The following PDE1A variants were observed in gnomAD, a reference collection of about 807,000 sequenced individuals.
PDE1A encodes dual specificity calcium/calmodulin-dependent 3',5'-cyclic nucleotide phosphodiesterase 1A.
In PDE1A, 35 loss-of-function variants were observed where a neutral mutation model predicts 61.7. That is an observed-to-expected ratio of 0.57 (90% CI 0.43 to 0.75). The LOEUF (loss-of-function observed/expected upper bound fraction) is 0.75. Ranked by LOEUF, PDE1A falls within the 30% of genes least tolerant of loss-of-function variation. The probability of loss-of-function intolerance (pLI) is 0.00; values close to 1 mark genes in which losing one functional copy is unlikely to be tolerated. For synonymous variants in PDE1A, 232 were observed against 213.2 expected (o/e 1.09, Z -0.77); for missense variants, 597 against 630.6 (o/e 0.95, Z 0.57).
At chr2:182,635,277 C>G in the PDE1A span, among the ~76,000 whole-genome samples, 1 of 151,974 alleles carries the variant, frequency 6.6e-6, no homozygotes, top group Non-Finnish European at 1.5e-5. Context: ...CAAAAAGATA[C>G]AGTGAAGACT....
At chr2:182,242,161 C>T in intron 2 of PDE1A, 2 of 861,206 alleles carry the variant, frequency 2.3e-6, no homozygotes, top group Non-Finnish European at 3.0e-6. Context: ...GCTGATGGTG[C>T]CAATTCCTCC....
At chr2:182,181,817 C>G (rs1038070809) in intron 13 of PDE1A, among the ~76,000 whole-genome samples, 6 of 152,148 alleles carry the variant, frequency 3.9e-5, no homozygotes, top group African/African-American at 1.4e-4. Flanking sequence ...AGCCGCTTTG[C>G]TGTGTTGTGG....
chr2:182,461,078 A>G (rs1686255065), intron 2 of PDE1A, among the ~76,000 whole-genome samples: 1 of 152,206 alleles, frequency 6.6e-6, no homozygotes. Context: ...AGGTGACCTC[A>G]TATGCAGCAT....
intron 7 of PDE1A, among the ~76,000 whole-genome samples, chr2:182,212,319 C>T (rs1163473567): frequency 6.6e-6 from 1 of 151,892 alleles, no homozygotes; most frequent in East Asian, 1.9e-4. Flanking sequence ...GGCTAATTAA[C>T]ATATGTGTTA....
At chr2:182,524,344 A>G (rs1489597767), upstream of PDE1A, among the ~76,000 whole-genome samples, 1 of 152,220 alleles carries the variant, frequency 6.6e-6, no homozygotes, top group Non-Finnish European at 1.5e-5. Flanking sequence ...TATACAGATG[A>G]TTTTCTAAAT....
intron 1 of PDE1A, among the ~76,000 whole-genome samples, chr2:182,411,281 T>C (rs1045949027): frequency 2.0e-5 from 3 of 152,240 alleles, no homozygotes; most frequent in Non-Finnish European, 2.9e-5. Flanking sequence ...ATATATTTTT[T>C]GTCTGCCTCC....
At chr2:182,544,500 C>T in the PDE1A span, among the ~76,000 whole-genome samples, 13 of 152,200 alleles carry the variant, frequency 8.5e-5, no homozygotes, top group East Asian at 2.1e-3. Context: ...ATGGGATTTG[C>T]GACATACCAT....
chr2:182,676,773 T>C, the PDE1A span, among the ~76,000 whole-genome samples: 2 of 152,180 alleles, frequency 1.3e-5, no homozygotes, highest in African/African-American at 2.4e-5. Flanking sequence ...TGCAAATCAA[T>C]AAATGTAATT....
chr2:182,394,259 G>A (rs1434902540), intron 1 of PDE1A, among the ~76,000 whole-genome samples: 2 of 152,142 alleles, frequency 1.3e-5, no homozygotes, highest in South Asian at 2.1e-4. Flanking sequence ...TCACAATCAC[G>A]GCAGGAGTTG....
chr2:182,623,854 G>A, the PDE1A span, among the ~76,000 whole-genome samples: 1 of 152,080 alleles, frequency 6.6e-6, no homozygotes, highest in African/African-American at 2.4e-5. Context: ...GGCCAGGCGC[G>A]GTGGCTCACG....
At chr2:182,658,055 A>C in the PDE1A span, among the ~76,000 whole-genome samples, 1 of 100,182 alleles carries the variant, frequency 1.0e-5, no homozygotes, top group Non-Finnish European at 2.3e-5. Context: ...AGTAAAAAAA[A>C]AAAAAAAAAA....
intron 1 of PDE1A, among the ~76,000 whole-genome samples, chr2:182,343,196 A>T (rs527937998): frequency 1.3e-5 from 2 of 152,348 alleles, no homozygotes; most frequent in South Asian, 4.1e-4. Flanking sequence ...CTGCAAGGAC[A>T]CGGTCAATTC....
At chr2:182,607,044 G>GA in the PDE1A span, among the ~76,000 whole-genome samples, 2 of 151,924 alleles carry the variant, frequency 1.3e-5, no homozygotes, top group South Asian at 2.1e-4. Flanking sequence ...GAAATGTAAC[G>GA]TGGGGGGAAA....
chr2:182,147,913 C>T (rs187054144), intron 13 of PDE1A, among the ~76,000 whole-genome samples: 1 of 152,276 alleles, frequency 6.6e-6, no homozygotes, highest in East Asian at 1.9e-4. Context: ...GCCCAATTAA[C>T]TTTGTTATAA....
chr2:182,157,521 T>A (rs1459143301), intron 13 of PDE1A, among the ~76,000 whole-genome samples: 3 of 152,220 alleles, frequency 2.0e-5, no homozygotes, highest in Admixed American at 6.5e-5. Flanking sequence ...AACTCTTCAA[T>A]GCAGAGGGCA....
chr2:182,221,015 A>G (rs764310107), intron 7 of PDE1A, among the ~76,000 whole-genome samples: 1 of 151,886 alleles, frequency 6.6e-6, no homozygotes, highest in Admixed American at 6.6e-5. Flanking sequence ...TTTTATACAG[A>G]GTTTTAAAAT....
chr2:182,609,255 C>T, the PDE1A span, among the ~76,000 whole-genome samples: 224 of 152,244 alleles, frequency 1.5e-3, 1 homozygote, highest in African/African-American at 4.0e-3. Context: ...CCTGTCAAAA[C>T]GGACCAATCA....
the PDE1A span, among the ~76,000 whole-genome samples, chr2:182,678,151 G>A: frequency 2.0e-5 from 3 of 152,176 alleles, no homozygotes; most frequent in Non-Finnish European, 4.4e-5. Context: ...ATGGCTGGGC[G>A]CAGTGGCTCA....
chr2:182,269,817 T>G (rs1692891826), intron 1 of PDE1A, among the ~76,000 whole-genome samples: 1 of 152,134 alleles, frequency 6.6e-6, no homozygotes, highest in South Asian at 2.1e-4. Context: ...TATATGGTGA[T>G]GGTTTCACAA....
Sources: gnomAD v4.1 joint callset for allele counts (sites outside exome capture counted in the v4.1 genomes callset) on GRCh38, gnomAD v4.1.1 for gene constraint, MANE v1.5 for transcripts, NCBI Gene and HGNC (gene_info 2026-07-23, HGNC 2026-07-21) for gene names.